The following GRID2 variants were observed in gnomAD, a reference collection of about 807,000 sequenced individuals.
GRID2 encodes glutamate ionotropic receptor delta type subunit 2, also known as glutamate receptor ionotropic, delta-2.
A neutral mutation model predicts 114.8 loss-of-function variants in GRID2; 33 were observed. The observed-to-expected ratio is 0.29, with a 90% CI of 0.22 to 0.38. The LOEUF is 0.38. Among genes scored for constraint, GRID2 ranks in the 10% least tolerant of loss-of-function variants. GRID2 has a pLI of 1.00. For synonymous variants in GRID2, 505 were observed against 449.9 expected, an observed-to-expected ratio of 1.12 and a Z score of -1.55; for missense variants, 1,184 against 1,257.7, an observed-to-expected ratio of 0.94 and a Z score of 0.89.
chr4:93,302,938 G>A (rs1276665435), intron 8 of GRID2, among the ~76,000 whole-genome samples: 1 of 152,160 alleles, frequency 6.6e-6, no homozygotes. Context: ...ACAACTACCT[G>A]AGACTGGGTA....
chr4:93,147,359 C>G (rs2149393143), intron 4 of GRID2, among the ~76,000 whole-genome samples: 1 of 152,294 alleles, frequency 6.6e-6, no homozygotes, highest in South Asian at 2.1e-4. Flanking sequence ...CAAATATTTT[C>G]TCTTTGACCT....
intron 1 of GRID2, among the ~76,000 whole-genome samples, chr4:92,422,630 G>A (rs953068145): frequency 6.6e-6 from 1 of 152,014 alleles, no homozygotes; most frequent in African/African-American, 2.4e-5. Context: ...GATCAGAGGA[G>A]CCAGTTAACC....
chr4:92,654,979 G>A (rs1395538957), intron 2 of GRID2, among the ~76,000 whole-genome samples: 1 of 151,918 alleles, frequency 6.6e-6, no homozygotes, highest in African/African-American at 2.4e-5. Flanking sequence ...ATGTCCTGAA[G>A]AGTGTTTGTT....
At chr4:93,660,578 C>G (rs910254078) in intron 14 of GRID2, among the ~76,000 whole-genome samples, 1 of 142,120 alleles carries the variant, frequency 7.0e-6, no homozygotes, top group African/African-American at 2.8e-5. Context: ...CTCCCTCCCC[C>G]ACAACATGTG....
intron 1 of GRID2, among the ~76,000 whole-genome samples, chr4:92,404,262 A>G (rs937993360): frequency 6.6e-6 from 1 of 152,216 alleles, no homozygotes. Flanking sequence ...AAGTCATTGT[A>G]TGAAAGAATG....
intron 2 of GRID2, among the ~76,000 whole-genome samples, chr4:92,911,227 T>G (rs1301077158): frequency 6.6e-6 from 1 of 152,184 alleles, no homozygotes; most frequent in Admixed American, 6.6e-5. Context: ...AAAGCAACTT[T>G]AATTAAAATA....
At chr4:92,987,441 TG>T (rs1322678007) in intron 2 of GRID2, among the ~76,000 whole-genome samples, 2 of 151,678 alleles carry the variant, frequency 1.3e-5, no homozygotes, top group African/African-American at 2.4e-5. Flanking sequence ...TATAATGTTG[TG>T]GGGGTGGGAG....
At chr4:92,740,123 T>A (rs1354191778) in intron 2 of GRID2, among the ~76,000 whole-genome samples, 1 of 152,190 alleles carries the variant, frequency 6.6e-6, no homozygotes, top group Non-Finnish European at 1.5e-5. Context: ...TTTCTCTGCT[T>A]TGGATCGTGT....
intron 2 of GRID2, among the ~76,000 whole-genome samples, chr4:93,058,489 T>C (rs1424171621): frequency 6.6e-6 from 1 of 152,030 alleles, no homozygotes; most frequent in East Asian, 1.9e-4. Flanking sequence ...GTTCAACTAC[T>C]AAGAGGCAAT....
At chr4:93,367,790 T>C (rs1477400864) in intron 8 of GRID2, among the ~76,000 whole-genome samples, 1 of 152,190 alleles carries the variant, frequency 6.6e-6, no homozygotes, top group African/African-American at 2.4e-5. Context: ...GAGAAGAGTG[T>C]TGATTAATGT....
At chr4:93,752,758 A>C (rs1732435355) in intron 14 of GRID2, among the ~76,000 whole-genome samples, 1 of 152,164 alleles carries the variant, frequency 6.6e-6, no homozygotes, top group Non-Finnish European at 1.5e-5. Context: ...CCTAAACCTT[A>C]TCCACACCTC....
At chr4:92,586,099 C>T (rs1728425871) in intron 1 of GRID2, among the ~76,000 whole-genome samples, 1 of 151,486 alleles carries the variant, frequency 6.6e-6, no homozygotes, top group Non-Finnish European at 1.5e-5. Flanking sequence ...CTTTTATACA[C>T]AGTGTAAGTA....
intron 2 of GRID2, among the ~76,000 whole-genome samples, chr4:92,998,400 G>T (rs1221960166): frequency 1.3e-5 from 2 of 151,822 alleles, no homozygotes; most frequent in Non-Finnish European, 2.9e-5. Context: ...TGTTTTCCTG[G>T]ATTTTCAAAT....
At chr4:92,654,174 A>G (rs913894164) in intron 2 of GRID2, among the ~76,000 whole-genome samples, 24 of 151,878 alleles carry the variant, frequency 1.6e-4, no homozygotes, top group African/African-American at 5.8e-4. Flanking sequence ...AGACCCAGAA[A>G]TCCAAGGTTA....
intron 8 of GRID2, among the ~76,000 whole-genome samples, chr4:93,363,030 G>T (rs1762019501): frequency 6.6e-6 from 1 of 152,104 alleles, no homozygotes; most frequent in South Asian, 2.1e-4. Flanking sequence ...GATCAGCCTG[G>T]CCAACATGGT....
chr4:92,536,098 G>A (rs555606716), intron 1 of GRID2, among the ~76,000 whole-genome samples: 1 of 152,316 alleles, frequency 6.6e-6, no homozygotes, highest in South Asian at 2.1e-4. Context: ...GGAAAGGAAC[G>A]TGAGCAGGCT....
At chr4:92,913,040 C>A (rs1230310339) in intron 2 of GRID2, among the ~76,000 whole-genome samples, 1 of 151,568 alleles carries the variant, frequency 6.6e-6, no homozygotes, top group Non-Finnish European at 1.5e-5. Context: ...AAGAGGATAA[C>A]TTTGTGGTTT....
At chr4:92,828,445 T>G (rs1210119384) in intron 2 of GRID2, among the ~76,000 whole-genome samples, 1 of 152,118 alleles carries the variant, frequency 6.6e-6, no homozygotes, top group Non-Finnish European at 1.5e-5. Context: ...CTAAGCAGTC[T>G]ACTAGAGCAC....
chr4:93,669,299 C>A (rs1318369870), intron 14 of GRID2, among the ~76,000 whole-genome samples: 1 of 151,900 alleles, frequency 6.6e-6, no homozygotes, highest in African/African-American at 2.4e-5. Flanking sequence ...GAAAATATGT[C>A]CTTAGGCATT....
Sources: allele counts gnomAD v4.1 joint callset (sites outside exome capture counted in the v4.1 genomes callset), GRCh38; gene constraint gnomAD v4.1.1; transcripts MANE v1.5; gene names NCBI Gene and HGNC (gene_info 2026-07-23, HGNC 2026-07-21).